JAKMIP1: variants seen among roughly 807,000 people sequenced by gnomAD.
JAKMIP1 encodes the protein janus kinase and microtubule interacting protein 1, also known as janus kinase and microtubule-interacting protein 1.
Under a neutral mutation model 113.0 loss-of-function variants are expected in JAKMIP1, and 33 were observed. The observed-to-expected ratio is 0.29, with a 90% CI of 0.22 to 0.39. The LOEUF (loss-of-function observed/expected upper bound fraction) is 0.39. JAKMIP1 is among the 10% of genes least tolerant of loss of function. The pLI is 1.00. For synonymous variants in JAKMIP1, 480 were observed against 459.9 expected (o/e 1.04, Z -0.56); for missense variants, 813 against 1,080.5 (o/e 0.75, Z 3.47).
At position 6,162,224 on chromosome 4, in the gene JAKMIP1, G is replaced by A. The variant is rs148499772; in HGVS notation, c.-148+38029C>T. ...CAGTGGGAGCGACTGCAGACCACTG[G>A]TCTTATGAGGAATGGGACCTCTCAG... On this transcript the variant is annotated intron_variant, in intron 1 of 20. Coordinates refer to ENST00000409021, the MANE Select transcript of JAKMIP1 (RefSeq NM_001099433.2). This position sits in a 1 kb window ranked among gnomAD's most constrained non-coding sequence, Gnocchi z 5.6. 1.8e-3 allele frequency among the ~76,000 whole-genome samples: 271 copies of A among 152,284 alleles called. No homozygotes were observed. The highest frequency in any genetic ancestry group is 6.8e-3 in the Middle Eastern group (2 of 294).
intron 1 of JAKMIP1, among the ~76,000 whole-genome samples, chr4:6,189,850 G>C (rs1258227642): frequency 3.9e-5 from 6 of 152,338 alleles, no homozygotes; most frequent in Admixed American, 3.9e-4. Context: ...TCTATCAAAG[G>C]GAACAGCATG....
Position 6,081,534 on chromosome 4 carries a change from CGGGAGGTTCA to C in JAKMIP1, c.1101+65_1101+74del. The C allele has an allele frequency of 6.5e-7, 1 of 1,547,882 alleles. No individual in the cohort carries two copies. Among genetic ancestry groups the C allele is most frequent in the Admixed American group, 1.7e-5 (1 of 57,974 alleles). ...CAGGTGCGCCCCAGAACATGTGAAT[CGGGAGGTTCA>C]GGGCTGAAGAATCCCAGACAGAGAA... On this transcript the variant is annotated intron_variant, in intron 6 of 20. Transcript: ENST00000409021. This position sits in a 1 kb window ranked among gnomAD's most constrained non-coding sequence, Gnocchi z 4.6.
At chr4:6,074,194 C>T (rs1015524435) in intron 8 of JAKMIP1, among the ~76,000 whole-genome samples, 9 of 152,232 alleles carry the variant, frequency 5.9e-5, no homozygotes, top group South Asian at 2.1e-4. Context: ...GGGACACAAA[C>T]GCTCCGGGAA....
chr4:6,126,157 AAC>A (rs201158813), intron 1 of JAKMIP1, among the ~76,000 whole-genome samples: 7 of 138,730 alleles, frequency 5.0e-5, no homozygotes, highest in Non-Finnish European at 3.0e-5. Flanking sequence ...ACCATGCAGA[AAC>A]ACACACATGC....
intron 16 of JAKMIP1, among the ~76,000 whole-genome samples, chr4:6,043,631 C>T (rs896658879): frequency 2.6e-5 from 4 of 152,008 alleles, no homozygotes; most frequent in Non-Finnish European, 5.9e-5. Context: ...AACATATTGG[C>T]TTTGCCTCCT....
At chr4:6,047,105 C>T (rs1715096997) in intron 16 of JAKMIP1, among the ~76,000 whole-genome samples, 1 of 152,204 alleles carries the variant, frequency 6.6e-6, no homozygotes, top group African/African-American at 2.4e-5. Context: ...TGTGAGCCAC[C>T]AGGATGCTCA....
chr4:6,152,789 A>AATATATATATATATATATATATAT (rs35192547), intron 1 of JAKMIP1, among the ~76,000 whole-genome samples: 55 of 135,250 alleles, frequency 4.1e-4, no homozygotes, highest in African/African-American at 1.4e-3. Context: ...TAAAAATACA[A>AATATATATATATATATATATATAT]ATATATATAT....
At chr4:6,091,979 A>C (rs1182099728) in intron 3 of JAKMIP1, among the ~76,000 whole-genome samples, 1 of 151,636 alleles carries the variant, frequency 6.6e-6, no homozygotes, top group Non-Finnish European at 1.5e-5. Context: ...GACACTCACT[A>C]CCTCTCCAGG....
At chr4:6,046,216 T>G (rs1225591754) in intron 16 of JAKMIP1, among the ~76,000 whole-genome samples, 1 of 152,180 alleles carries the variant, frequency 6.6e-6, no homozygotes, top group Non-Finnish European at 1.5e-5. Context: ...GTCCTGCTGA[T>G]GCAGTTCCCA....
chr4:6,101,903 T>TAAA (rs34415235), intron 3 of JAKMIP1, among the ~76,000 whole-genome samples: 1 of 132,382 alleles, frequency 7.6e-6, no homozygotes, highest in African/African-American at 2.8e-5. Context: ...AAGACTCAGT[T>TAAA]AAAAAAAAAA....
rs1414588639 is a variant in JAKMIP1 at position 6,194,232 on chromosome 4, C to T, written c.-148+6021G>A. On this transcript the variant is annotated intron_variant, in intron 1 of 20. Coordinates refer to ENST00000409021, the MANE Select transcript of JAKMIP1 (RefSeq NM_001099433.2). The surrounding 1 kb of genome is among the most constrained non-coding windows in gnomAD (Gnocchi z 7.4). ...CTAGATTGAGGTGACAGTTGCACAA[C>T]ATCGTGAATGCAGTAAATGCCACCG... 3.3e-5 allele frequency among the ~76,000 whole-genome samples: 5 copies of T among 152,060 alleles called. No homozygotes were observed. The highest frequency in any genetic ancestry group is 7.4e-5 in the Non-Finnish European group (5 of 68,018).
chr4:6,125,566 A>AAC (rs139505372), intron 1 of JAKMIP1, among the ~76,000 whole-genome samples: 4 of 150,212 alleles, frequency 2.7e-5, no homozygotes, highest in South Asian at 2.1e-4. Context: ...ACCATACAGA[A>AAC]ACACACACAC....
In JAKMIP1 at chr4:6,138,699, C is replaced by T. The variant is rs1443757408; in HGVS notation, c.-147-25702G>A. On this transcript the variant is annotated intron_variant, in intron 1 of 20. Coordinates refer to ENST00000409021, the MANE Select transcript of JAKMIP1 (RefSeq NM_001099433.2). The surrounding 1 kb of genome is among the most constrained non-coding windows in gnomAD (Gnocchi z 6.0). The stretch of plus-strand genomic sequence containing the variant: ...GAACCACGGAATGGCCGTGCAGTGG[C>T]GTGTTCTCAACGGCCAGCTCTGTCT... Among the ~76,000 whole-genome samples the T allele has an allele frequency of 6.6e-6, 1 of 152,164 alleles. No homozygotes were observed. Among genetic ancestry groups the T allele is most frequent in the Admixed American group, 6.5e-5 (1 of 15,284 alleles).
intron 1 of JAKMIP1, among the ~76,000 whole-genome samples, chr4:6,147,397 C>T (rs1303524347): frequency 1.3e-5 from 2 of 152,206 alleles, no homozygotes; most frequent in African/African-American, 4.8e-5. Flanking sequence ...CTGTGCCAGT[C>T]ACGGAAACAT....
chr4:6,059,028 C>T lies in JAKMIP1; in HGVS notation c.1644+1396G>A, dbSNP rs554500413. On this transcript the variant is annotated intron_variant, in intron 11 of 20. Coordinates refer to ENST00000409021, the MANE Select transcript of JAKMIP1 (RefSeq NM_001099433.2). The surrounding 1 kb of genome is among the most constrained non-coding windows in gnomAD (Gnocchi z 4.8). ...TAGCCCCATTTTAAAGATGAGGAAA[C>T]GGAGGCACAAAGAGATTATGTTACT... is the stretch of plus-strand genomic sequence containing the variant. 2.6e-5 allele frequency among the ~76,000 whole-genome samples: 4 copies of T among 152,308 alleles called. No homozygotes were observed. In the South Asian group the frequency reaches 6.2e-4, roughly 24 times the overall value.
Position 6,128,469 on chromosome 4 carries a change from G to A in JAKMIP1, c.-147-15472C>T, listed in dbSNP as rs370151889. ...CCAGGAGCGGGGAGGGAGGGAAGGG[G>A]AGTCTTTATTGGCACAAGGTCCAAG... On this transcript the variant is annotated intron_variant, in intron 1 of 20. Transcript: ENST00000409021. Among the ~76,000 whole-genome samples the A allele has an allele frequency of 7.2e-5, 11 of 152,258 alleles. No individual in the cohort carries two copies. In the South Asian group the frequency reaches 2.3e-3, roughly 32 times the overall value.
In JAKMIP1 at chr4:6,168,945, T is replaced by C. The variant is rs751812127; in HGVS notation, c.-148+31308A>G. Reference sequence around the variant, plus strand: ...AAAAATCATAGGGACAAGAAGTAGATGTAGTGGTTGTCAGGGGTCACGTGA... The same window carrying C: ...AAAAATCATAGGGACAAGAAGTAGACGTAGTGGTTGTCAGGGGTCACGTGA... On this transcript the variant is annotated intron_variant, in intron 1 of 20. Coordinates refer to ENST00000409021, the MANE Select transcript of JAKMIP1 (RefSeq NM_001099433.2). The surrounding 1 kb of genome is among the most constrained non-coding windows in gnomAD (Gnocchi z 4.6). Among the ~76,000 whole-genome samples the C allele has an allele frequency of 4.0e-5, 6 of 151,488 alleles. No individual in the cohort carries two copies. Among genetic ancestry groups the C allele is most frequent in the South Asian group, 2.1e-4 (1 of 4,792 alleles).
chr4:6,197,396 C>T lies in JAKMIP1; in HGVS notation c.-148+2857G>A, dbSNP rs1436088018. 6.6e-6 allele frequency among the ~76,000 whole-genome samples: 1 copy of T among 152,194 alleles called. No individual in the cohort carries two copies. Among genetic ancestry groups the T allele is most frequent in the East Asian group, 1.9e-4 (1 of 5,202 alleles). ...GCTAAATGAATAAATATTCTCATAG[C>T]TTCTTCACCATCATCACCCCTCATA... On this transcript the variant is annotated intron_variant, in intron 1 of 20. Transcript: ENST00000409021. This position sits in a 1 kb window ranked among gnomAD's most constrained non-coding sequence, Gnocchi z 6.5.
Position 6,139,085 on chromosome 4 carries a change from T to C in JAKMIP1, c.-147-26088A>G, listed in dbSNP as rs6847974. On this transcript the variant is annotated intron_variant, in intron 1 of 20. Coordinates refer to ENST00000409021, the MANE Select transcript of JAKMIP1 (RefSeq NM_001099433.2). This position sits in a 1 kb window ranked among gnomAD's most constrained non-coding sequence, Gnocchi z 5.2. ...ACACACACACACACACACACACACA[T>C]ATACACACACACACACACACCAGCA... Among the ~76,000 whole-genome samples, 347 of 27,980 alleles carry C rather than the reference T, an allele frequency of 0.012. 5 individuals are homozygous for C. The highest frequency in any genetic ancestry group is 0.029 in the Middle Eastern group (1 of 34). 18.4% of individuals were successfully genotyped at this position (27,980 alleles called of 152,430 possible). A position where few individuals can be genotyped will look rare whatever the true frequency, so the allele number is the denominator to read the frequency against.
Sources: gnomAD v4.1 joint callset for allele counts (sites outside exome capture counted in the v4.1 genomes callset) on GRCh38, gnomAD v4.1.1 for gene constraint, Gnocchi (gnomAD v3.1) non-coding constraint, MANE v1.5 for transcripts, NCBI Gene and HGNC (gene_info 2026-07-23, HGNC 2026-07-21) for gene names.